Variants in PABPC4L observed in about 807,000 individuals in gnomAD.
The protein encoded by PABPC4L is polyadenylate-binding protein 4-like.
For synonymous variants in PABPC4L, 169 were observed against 164.1 expected (o/e 1.03, Z -0.23); for missense variants, 452 against 451.4 (o/e 1.00, Z -0.01).
chr4:134,059,042 A>C, the PABPC4L span, among the ~76,000 whole-genome samples: 1 of 152,060 alleles, frequency 6.6e-6, no homozygotes, highest in African/African-American at 2.4e-5. Flanking sequence ...TCTCAAGAGA[A>C]GGGGGTAAAC....
the PABPC4L span, among the ~76,000 whole-genome samples, chr4:133,994,168 A>G: frequency 1.3e-5 from 2 of 152,152 alleles, no homozygotes; most frequent in Admixed American, 6.5e-5. Flanking sequence ...CCTTTGCCAG[A>G]CCTTTTGGGA....
At chr4:134,180,340 A>G in the PABPC4L span, among the ~76,000 whole-genome samples, 993 of 152,208 alleles carry the variant, frequency 6.5e-3, 10 homozygotes, top group African/African-American at 0.022. Context: ...TTTGAAATTA[A>G]TCAGAAAAAA....
At chr4:134,118,080 G>T in the PABPC4L span, among the ~76,000 whole-genome samples, 1 of 151,810 alleles carries the variant, frequency 6.6e-6, no homozygotes. Flanking sequence ...AAGGATAATG[G>T]TGTCAACAAC....
chr4:134,026,185 A>G, the PABPC4L span, among the ~76,000 whole-genome samples: 1 of 152,080 alleles, frequency 6.6e-6, no homozygotes, highest in Non-Finnish European at 1.5e-5. Context: ...TGAGTGAGTG[A>G]AGTTAATACA....
At chr4:133,955,934 C>G in the PABPC4L span, among the ~76,000 whole-genome samples, 1 of 151,994 alleles carries the variant, frequency 6.6e-6, no homozygotes, top group Non-Finnish European at 1.5e-5. Context: ...TTGGATGTGT[C>G]TTGAAATCAG....
chr4:134,165,003 C>A, the PABPC4L span, among the ~76,000 whole-genome samples: 2 of 152,058 alleles, frequency 1.3e-5, no homozygotes, highest in African/African-American at 2.4e-5. Context: ...TGATCTTTGA[C>A]AATGTACACA....
At chr4:134,179,388 T>A in the PABPC4L span, among the ~76,000 whole-genome samples, 1 of 151,626 alleles carries the variant, frequency 6.6e-6, no homozygotes. Context: ...CTGAAGGGAG[T>A]GCTAAATATG....
chr4:134,079,578 CAAAAAAAAAAAAAAA>C, the PABPC4L span, among the ~76,000 whole-genome samples: 668 of 90,660 alleles, frequency 7.4e-3, 10 homozygotes, highest in African/African-American at 0.017. Context: ...GACTTCCTCT[CAAAAAAAAAAAAAAA>C]AAAAAAAAAA....
At chr4:134,086,797 G>GT in the PABPC4L span, among the ~76,000 whole-genome samples, 92 of 127,882 alleles carry the variant, frequency 7.2e-4, no homozygotes, top group African/African-American at 1.6e-3. Context: ...TGTTTTATTT[G>GT]TTTTTTTTTC....
chr4:134,135,726 G>C, the PABPC4L span, among the ~76,000 whole-genome samples: 18 of 152,006 alleles, frequency 1.2e-4, no homozygotes, highest in Non-Finnish European at 2.1e-4. Context: ...CCAGATACTC[G>C]GGAGGCTGAG....
the PABPC4L span, among the ~76,000 whole-genome samples, chr4:133,983,950 T>C: frequency 6.6e-6 from 1 of 151,874 alleles, no homozygotes; most frequent in Non-Finnish European, 1.5e-5. Context: ...TTAAATATTT[T>C]GTATAGTCTT....
At chr4:133,962,409 T>A in the PABPC4L span, among the ~76,000 whole-genome samples, 1 of 152,084 alleles carries the variant, frequency 6.6e-6, no homozygotes, top group South Asian at 2.1e-4. Context: ...GGGAGAAATA[T>A]CCAAGGGAAT....
At chr4:134,172,282 G>A in the PABPC4L span, among the ~76,000 whole-genome samples, 2 of 152,146 alleles carry the variant, frequency 1.3e-5, no homozygotes, top group East Asian at 3.9e-4. Context: ...CAAGCCTATG[G>A]TAACCAAAAC....
At chr4:134,148,115 T>C in the PABPC4L span, among the ~76,000 whole-genome samples, 1 of 152,078 alleles carries the variant, frequency 6.6e-6, no homozygotes, top group African/African-American at 2.4e-5. Flanking sequence ...CAGCCTTCTG[T>C]GCTGTCAGAA....
At chr4:134,171,904 T>C in the PABPC4L span, among the ~76,000 whole-genome samples, 2 of 151,658 alleles carry the variant, frequency 1.3e-5, no homozygotes, top group South Asian at 4.2e-4. Context: ...AGAAAGACAA[T>C]CCCATTCACA....
chr4:134,117,840 T>C, the PABPC4L span, among the ~76,000 whole-genome samples: 4 of 151,802 alleles, frequency 2.6e-5, no homozygotes, highest in Admixed American at 2.0e-4. Flanking sequence ...GCCCTGAGGA[T>C]CCCTGCACAT....
chr4:134,140,995 C>T, the PABPC4L span, among the ~76,000 whole-genome samples: 41 of 151,584 alleles, frequency 2.7e-4, no homozygotes, highest in Non-Finnish European at 4.1e-4. Flanking sequence ...TGCAGTAAAA[C>T]AAATATGTAT....
chr4:133,984,978 G>A, the PABPC4L span, among the ~76,000 whole-genome samples: 1 of 151,868 alleles, frequency 6.6e-6, no homozygotes, highest in Admixed American at 6.6e-5. Context: ...AGAACTAAAG[G>A]AAGAAAATAG....
chr4:134,196,128 T>G (rs1263482965), downstream of PABPC4L, among the ~76,000 whole-genome samples: 6 of 151,434 alleles, frequency 4.0e-5, no homozygotes, highest in African/African-American at 1.4e-4. Flanking sequence ...CATTAAAACT[T>G]GTTAGTGTTT....
Sources: gnomAD v4.1 joint callset for allele counts (sites outside exome capture counted in the v4.1 genomes callset) on GRCh38, gnomAD v4.1.1 for gene constraint, MANE v1.5 for transcripts, NCBI Gene and HGNC (gene_info 2026-07-23, HGNC 2026-07-21) for gene names.